SYNPO: variants seen among roughly 807,000 people sequenced by gnomAD.
SYNPO encodes the protein synaptopodin.
SYNPO carries 19 observed loss-of-function variants against 49.5 expected under a neutral mutation model. The observed-to-expected ratio is 0.38, with a 90% CI of 0.27 to 0.56. The LOEUF (loss-of-function observed/expected upper bound fraction) is 0.56, where lower values mean the gene tolerates loss of function less well. Among genes scored for constraint, SYNPO ranks in the 20% least tolerant of loss-of-function variants. The probability of loss-of-function intolerance (pLI) is 0.68; values close to 1 mark genes in which losing one functional copy is unlikely to be tolerated. For synonymous variants in SYNPO, 536 were observed against 548.0 expected (o/e 0.98, Z 0.31); for missense variants, 1,131 against 1,248.3 (o/e 0.91, Z 1.42).
In SYNPO at chr5:150,648,635, G is replaced by C; in HGVS notation, c.360G>C (p.Glu120Asp). The change falls in exon 2 of 3, where the codon GAG becomes GAC. Residue 120 changes from glutamate to aspartate, a missense_variant. Glu to Asp is a conservative substitution (Grantham distance 45, BLOSUM62 2). This residue lies in a region of SYNPO where 602 missense variants were observed against 720.7 expected (regional missense o/e 0.84). Transcript: ENST00000307662. The surrounding 1 kb of genome is among the most constrained non-coding windows in gnomAD (Gnocchi z 5.0). ...PLSSIQQNSSEAQLPSNGTGP... is the reference protein window; with the variant it reads ...PLSSIQQNSSDAQLPSNGTGP... ...CTAGCATCCAACAGAATTCCTCAGA[G>C]GCCCAACTCCCATCTAATGGCACAG... The C allele has an allele frequency of 6.2e-7, 1 of 1,614,200 alleles. No homozygotes were observed. The highest frequency in any genetic ancestry group is 8.5e-7 in the Non-Finnish European group (1 of 1,180,036).
In SYNPO at chr5:150,647,930, G is replaced by A. The variant is rs551653862; in HGVS notation, c.-332-14G>A. On this transcript the variant is annotated splice_polypyrimidine_tract_variant and intron_variant, in intron 1 of 2. Transcript: ENST00000307662. ...ATTCCTGTTTGCTAACTGGGCTTTT[G>A]TCCCTCCCTGTAGCGTTGGGCCGGA... is the stretch of plus-strand genomic sequence containing the variant. The A allele has an allele frequency of 6.5e-7, 1 of 1,544,456 alleles. No individual in the cohort carries two copies. Among genetic ancestry groups the A allele is most frequent in the East Asian group, 2.4e-5 (1 of 40,834 alleles).
chr5:150,600,150 C>T (rs368055740), upstream of SYNPO, among the ~76,000 whole-genome samples: 5 of 152,224 alleles, frequency 3.3e-5, no homozygotes, highest in Non-Finnish European at 7.4e-5. Context: ...AGATGGAGGG[C>T]GAGAGGGGAC....
chr5:150,619,697 AGTCCCGGGAGGGCTTGTGC>A (rs937267701), intron 2 of SYNPO, among the ~76,000 whole-genome samples: 3 of 152,184 alleles, frequency 2.0e-5, no homozygotes, highest in Admixed American at 6.5e-5. Context: ...CGGGGGACAC[AGTCCCGGGAGGGCTTGTGC>A]GTCAGGAAAC....
the SYNPO span, among the ~76,000 whole-genome samples, chr5:150,591,835 G>A: frequency 6.6e-6 from 1 of 152,248 alleles, no homozygotes; most frequent in South Asian, 2.1e-4. Context: ...TTAAAGACAG[G>A]CTAGCACCCA....
chr5:150,633,242 T>A (rs1400993385), intron 2 of SYNPO, among the ~76,000 whole-genome samples: 3 of 152,242 alleles, frequency 2.0e-5, no homozygotes. Flanking sequence ...TGAGAGCTGA[T>A]CTGAGCAATA....
chr5:150,597,370 T>G (rs1277387485), upstream of SYNPO, among the ~76,000 whole-genome samples: 1 of 152,218 alleles, frequency 6.6e-6, no homozygotes, highest in African/African-American at 2.4e-5. Flanking sequence ...TTGCTCTTGT[T>G]GCCCATGCTG....
At chr5:150,632,212 G>A (rs1057407602) in intron 2 of SYNPO, among the ~76,000 whole-genome samples, 4 of 152,188 alleles carry the variant, frequency 2.6e-5, no homozygotes, top group African/African-American at 7.2e-5. Context: ...CATGGATGCA[G>A]TATCAGCATC....
intron 1 of SYNPO, among the ~76,000 whole-genome samples, chr5:150,612,777 CTTTTCTT>C (rs894568679): frequency 2.6e-5 from 4 of 152,082 alleles, no homozygotes; most frequent in East Asian, 1.9e-4. Context: ...TTTTGTTCTT[CTTTTCTT>C]TTTTCTTTTT....
At chr5:150,632,614 C>G (rs1186471118) in intron 2 of SYNPO, among the ~76,000 whole-genome samples, 2 of 152,160 alleles carry the variant, frequency 1.3e-5, no homozygotes, top group Admixed American at 1.3e-4. Flanking sequence ...GACAGTTGGC[C>G]TCTAAGGGCC....
At chr5:150,631,043 C>T (rs2151387311) in intron 2 of SYNPO, among the ~76,000 whole-genome samples, 1 of 152,328 alleles carries the variant, frequency 6.6e-6, no homozygotes, top group Non-Finnish European at 1.5e-5. Flanking sequence ...TTGTGCAAAT[C>T]CCAATCCTGT....
intron 2 of SYNPO, among the ~76,000 whole-genome samples, chr5:150,620,895 TTTTCTCTTTC>T (rs1757132953): frequency 7.3e-6 from 1 of 137,324 alleles, no homozygotes; most frequent in Admixed American, 7.4e-5. Context: ...TTTTTTCTTT[TTTTCTCTTTC>T]TTTCTTTCTT....
chr5:150,594,511 C>T, the SYNPO span, among the ~76,000 whole-genome samples: 1 of 152,170 alleles, frequency 6.6e-6, no homozygotes, highest in African/African-American at 2.4e-5. Context: ...CCTCCACCTG[C>T]CCCTGGATCT....
chr5:150,637,067 T>C (rs1357797492), upstream of SYNPO, among the ~76,000 whole-genome samples: 1 of 152,232 alleles, frequency 6.6e-6, no homozygotes, highest in African/African-American at 2.4e-5. Context: ...CCTGTTTTAC[T>C]GATGATGAAG....
At chr5:150,637,843 C>T (rs912745899), upstream of SYNPO, among the ~76,000 whole-genome samples, 2 of 152,208 alleles carry the variant, frequency 1.3e-5, no homozygotes, top group African/African-American at 4.8e-5. Flanking sequence ...GCTGCTGAGA[C>T]AGATGGCAGG....
In SYNPO at chr5:150,608,083, C is replaced by G. The variant is rs76057914; in HGVS notation, c.-266+6895C>G. Reference sequence around the variant, plus strand: ...TTCGAGGCACTCGCTGTGGTATAGCCTAGTGTGTAGGAAGAATCCATAAAT... The same window carrying G: ...TTCGAGGCACTCGCTGTGGTATAGCGTAGTGTGTAGGAAGAATCCATAAAT... On this transcript the variant is annotated intron_variant, in intron 1 of 2. Coordinates refer to the SYNPO transcript ENST00000394243. Among the ~76,000 whole-genome samples the G allele has an allele frequency of 2.3e-3, 346 of 152,288 alleles. 1 individual carries two copies. The highest frequency in any genetic ancestry group is 7.8e-3 in the African/African-American group (324 of 41,544).
chr5:150,597,708 T>C (rs1756449127), upstream of SYNPO, among the ~76,000 whole-genome samples: 3 of 151,632 alleles, frequency 2.0e-5, no homozygotes, highest in Non-Finnish European at 2.9e-5. Flanking sequence ...GCATGATCTT[T>C]GCTTACTGCA....
chr5:150,622,908 G>T (rs986084940), intron 2 of SYNPO, among the ~76,000 whole-genome samples: 14 of 151,992 alleles, frequency 9.2e-5, no homozygotes, highest in African/African-American at 3.4e-4. Flanking sequence ...AAACACACAT[G>T]TATCTACACA....
intron 2 of SYNPO, chr5:150,653,744 C>T (rs902571620): frequency 6.6e-6 from 1 of 152,196 alleles, no homozygotes; most frequent in African/African-American, 2.4e-5. Context: ...CAGAGAAGCT[C>T]CCAGTGTCTC....
upstream of SYNPO, among the ~76,000 whole-genome samples, chr5:150,598,094 G>A (rs753199631): frequency 5.9e-5 from 9 of 151,962 alleles, no homozygotes; most frequent in South Asian, 2.1e-4. Context: ...CACTGCCCTC[G>A]CAACACATCG....
Sources: allele counts gnomAD v4.1 joint callset (sites outside exome capture counted in the v4.1 genomes callset), GRCh38; gene constraint gnomAD v4.1.1; regional missense constraint gnomAD v4.1.1; non-coding constraint Gnocchi (gnomAD v3.1); transcripts MANE v1.5; gene names NCBI Gene and HGNC (gene_info 2026-07-23, HGNC 2026-07-21).